The following NLGN1 variants were observed in gnomAD, a reference collection of about 807,000 sequenced individuals.
The protein encoded by NLGN1 is neuroligin 1.
NLGN1 carries 12 observed loss-of-function variants against 65.5 expected under a neutral mutation model. The observed-to-expected ratio is 0.18, with a 90% confidence interval of 0.12 to 0.30. NLGN1 has a LOEUF of 0.30. Ranked by LOEUF, NLGN1 falls within the 10% of genes least tolerant of loss-of-function variation. The pLI is 1.00. For synonymous variants in NLGN1, 350 were observed against 359.5 expected (o/e 0.97, Z 0.30); for missense variants, 750 against 1,007.1 (o/e 0.74, Z 3.46).
At chr3:174,067,588 A>T (rs941594126) in intron 4 of NLGN1, among the ~76,000 whole-genome samples, 1 of 152,156 alleles carries the variant, frequency 6.6e-6, no homozygotes, top group Non-Finnish European at 1.5e-5. Context: ...TTCTATGAAA[A>T]TACTTGTCCT....
chr3:173,918,791 A>C (rs1200418545), intron 4 of NLGN1, among the ~76,000 whole-genome samples: 1 of 151,796 alleles, frequency 6.6e-6, no homozygotes, highest in Non-Finnish European at 1.5e-5. Context: ...CTGTTGTAAC[A>C]AATTACCACA....
intron 4 of NLGN1, among the ~76,000 whole-genome samples, chr3:173,965,082 T>C (rs1052895764): frequency 5.3e-5 from 8 of 152,196 alleles, no homozygotes; most frequent in African/African-American, 1.9e-4. Context: ...AGGTATTTTT[T>C]TAATAAAGAA....
rs368999429 is a variant in NLGN1, at chr3:173,848,993, C to A, written c.646+41161C>A. ...GAAGGGTTGCATATGAGCTGAGAAA[C>A]CAACTGGAGACTCCATAACCTTCTA... On this transcript the variant is annotated intron_variant, in intron 4 of 6. Coordinates refer to ENST00000457714, the Ensembl canonical transcript of NLGN1. 3.5e-4 allele frequency among the ~76,000 whole-genome samples: 53 copies of A among 152,190 alleles called. No homozygotes were observed. In the South Asian group the frequency reaches 7.0e-3, roughly 20 times the overall value.
rs1332421819 is a variant in NLGN1, at chr3:174,261,646, C to T, written c.647-13669C>T. 1.2e-4 allele frequency among the ~76,000 whole-genome samples: 16 copies of T among 133,666 alleles called. 1 individual carries two copies. The highest frequency in any genetic ancestry group is 4.5e-4 in the African/African-American group (16 of 35,386). 87.7% of individuals were successfully genotyped at this position (133,666 alleles called of 152,430 possible). ...TCGTCTGCAAACAGGGACAATTTGA[C>T]TTCCTCTTTTCCTAATTGAATACCC... On this transcript the variant is annotated intron_variant, in intron 4 of 6. Coordinates refer to ENST00000457714, the Ensembl canonical transcript of NLGN1.
intron 2 of NLGN1, among the ~76,000 whole-genome samples, chr3:173,531,190 T>C (rs1736503332): frequency 6.6e-6 from 1 of 152,158 alleles, no homozygotes; most frequent in African/African-American, 2.4e-5. Flanking sequence ...TATTTTGCCT[T>C]TTTATTGCTA....
intron 2 of NLGN1, among the ~76,000 whole-genome samples, chr3:173,478,038 C>T (rs910719888): frequency 6.6e-6 from 1 of 152,146 alleles, no homozygotes; most frequent in Admixed American, 6.6e-5. Context: ...TTTGACCAAG[C>T]AATCCCATTA....
chr3:173,896,421 C>A (rs1375725663), intron 4 of NLGN1, among the ~76,000 whole-genome samples: 3 of 152,152 alleles, frequency 2.0e-5, no homozygotes, highest in Middle Eastern at 3.2e-3. Flanking sequence ...AAATTGAGTT[C>A]TCTGAGCACC....
chr3:173,426,430 T>A (rs1345540079), intron 1 of NLGN1, among the ~76,000 whole-genome samples: 1 of 152,106 alleles, frequency 6.6e-6, no homozygotes, highest in African/African-American at 2.4e-5. Context: ...ATAAAGTTTT[T>A]CAAATTTTCC....
At chr3:173,809,113 G>T (rs142025397) in intron 4 of NLGN1, among the ~76,000 whole-genome samples, 3 of 152,254 alleles carry the variant, frequency 2.0e-5, no homozygotes, top group African/African-American at 7.2e-5. Flanking sequence ...GTAAGTGTAG[G>T]TATAAAATAT....
At chr3:173,523,256 A>G (rs1032629812) in intron 2 of NLGN1, among the ~76,000 whole-genome samples, 1 of 151,812 alleles carries the variant, frequency 6.6e-6, no homozygotes, top group Admixed American at 6.6e-5. Flanking sequence ...GCTTTTTAGT[A>G]TAATTAAATA....
chr3:174,076,679 TAGAGAGAGAGAGAG>T lies in NLGN1; in HGVS notation c.647-198603_647-198590del, dbSNP rs3979619. Among the ~76,000 whole-genome samples, 558 of 92,906 alleles carry T rather than the reference TAGAGAGAGAGAGAG, an allele frequency of 6.0e-3. 2 individuals are homozygous for T. Among genetic ancestry groups the T allele is most frequent in the Non-Finnish European group, 7.8e-3 (377 of 48,278 alleles). 60.9% of individuals were successfully genotyped at this position (92,906 alleles called of 152,430 possible). A position where few individuals can be genotyped will look rare whatever the true frequency, so the allele number is the denominator to read the frequency against. ...ATAGTTCCTTTCTCCTCTGGGACCA[TAGAGAGAGAGAGAG>T]AGAGAGAGAGAGAGAGAGAGAGAGA... On this transcript the variant is annotated intron_variant, in intron 4 of 6. Coordinates refer to ENST00000457714, the Ensembl canonical transcript of NLGN1.
intron 4 of NLGN1, among the ~76,000 whole-genome samples, chr3:174,202,516 G>A (rs2152777114): frequency 6.6e-6 from 1 of 152,006 alleles, no homozygotes; most frequent in East Asian, 1.9e-4. Flanking sequence ...TACTCAAAAG[G>A]TCAAAGATTC....
chr3:174,114,414 TC>T (rs1715906643), intron 4 of NLGN1, among the ~76,000 whole-genome samples: 2 of 152,122 alleles, frequency 1.3e-5, no homozygotes, highest in Non-Finnish European at 2.9e-5. Context: ...TTATGGATAA[TC>T]CCCAATTTTA....
chr3:173,618,242 C>G (rs1178935159), intron 3 of NLGN1, among the ~76,000 whole-genome samples: 1 of 152,040 alleles, frequency 6.6e-6, no homozygotes, highest in Admixed American at 6.6e-5. Context: ...ATCATCCAGG[C>G]TGGAATGCAG....
intron 3 of NLGN1, among the ~76,000 whole-genome samples, chr3:173,607,032 A>G (rs1470712256): frequency 6.6e-6 from 1 of 152,010 alleles, no homozygotes; most frequent in African/African-American, 2.4e-5. Flanking sequence ...TAAAGATGCT[A>G]TTGAAGAATG....
intron 3 of NLGN1, among the ~76,000 whole-genome samples, chr3:173,756,100 G>T (rs781284758): frequency 2.4e-4 from 36 of 151,440 alleles, no homozygotes; most frequent in Non-Finnish European, 4.6e-4. Flanking sequence ...TAATTCCGTT[G>T]TTAATGATAT....
intron 4 of NLGN1, among the ~76,000 whole-genome samples, chr3:174,210,352 A>G (rs1736226510): frequency 6.6e-6 from 1 of 152,244 alleles, no homozygotes; most frequent in South Asian, 2.1e-4. Flanking sequence ...TCACTGGTGT[A>G]GTTCCAGCAC....
chr3:174,117,863 A>C (rs992039010), intron 4 of NLGN1, among the ~76,000 whole-genome samples: 1 of 152,218 alleles, frequency 6.6e-6, no homozygotes, highest in Admixed American at 6.5e-5. Context: ...TGGCCCATTA[A>C]AAAATGCCCT....
At chr3:173,726,066 A>G (rs960081740) in intron 3 of NLGN1, among the ~76,000 whole-genome samples, 4 of 152,090 alleles carry the variant, frequency 2.6e-5, no homozygotes, top group Non-Finnish European at 5.9e-5. Context: ...TTGTCATAGA[A>G]CATAACTTAA....
Sources: allele counts gnomAD v4.1 joint callset (sites outside exome capture counted in the v4.1 genomes callset), GRCh38; gene constraint gnomAD v4.1.1; transcripts MANE v1.5; gene names NCBI Gene and HGNC (gene_info 2026-07-23, HGNC 2026-07-21).